TRPS1: variants seen among roughly 807,000 people sequenced by gnomAD.
TRPS1 encodes zinc finger transcription factor Trps1.
TRPS1 carries 6 observed loss-of-function variants against 101.2 expected under a neutral mutation model. The ratio of observed to expected loss-of-function variants is 0.06; its 90% CI spans 0.03 to 0.12. The LOEUF (loss-of-function observed/expected upper bound fraction) is 0.12. Among genes scored for constraint, TRPS1 ranks in the 10% least tolerant of loss-of-function variants. TRPS1 has a pLI of 1.00. For synonymous variants in TRPS1, 578 were observed against 589.8 expected (o/e 0.98, Z 0.29); for missense variants, 1,363 against 1,567.0 (o/e 0.87, Z 2.20).
At position 115,587,515 on chromosome 8, in the gene TRPS1, C is replaced by G. The variant is rs1278691976; in HGVS notation, c.2186G>C (p.Cys729Ser). The G allele has an allele frequency of 2.5e-6, 4 of 1,613,998 alleles. No homozygotes were observed. The highest frequency in any genetic ancestry group is 1.7e-6 in the Non-Finnish European group (2 of 1,180,012). The change falls in exon 5 of 7, where the codon TGC becomes TCC. Residue 729 changes from cysteine (C) to serine (S), a missense_variant. By Grantham distance (112) the Cys-to-Ser change is moderately radical. Around this residue, in one of 5 missense-constraint regions of TRPS1, gnomAD observed 1,020 missense variants for 1,073.0 expected, o/e 0.95. Transcript: ENST00000395715. ...SLLEHFNTVHCQEQDITTANG... is the reference protein window; with the variant it reads ...SLLEHFNTVHSQEQDITTANG... ...GGCTGTAGTGATGTCCTGTTCCTGGCAGTGAACAGTGTTGAAGTGCTCCAG... is the reference window on the plus strand; with the variant it reads ...GGCTGTAGTGATGTCCTGTTCCTGGGAGTGAACAGTGTTGAAGTGCTCCAG...
rs559539336 is a variant in TRPS1 at position 115,481,351 on chromosome 8, A to T, written c.2701-62899T>A. 1.4e-3 allele frequency among the ~76,000 whole-genome samples: 212 copies of T among 152,204 alleles called. 1 individual carries two copies. Among genetic ancestry groups the T allele is most frequent in the African/African-American group, 5.0e-3 (207 of 41,536 alleles). On this transcript the variant is annotated intron_variant, in intron 5 of 6. Coordinates refer to ENST00000395715, the MANE Select transcript of TRPS1 (RefSeq NM_014112.5). ...AAACTTTTGTAGTGCTAACAAACAG[A>T]GGTTATAACTTGGCTTATAGATCCC...
intron 5 of TRPS1, among the ~76,000 whole-genome samples, chr8:115,499,834 A>T (rs1306743990): frequency 6.6e-6 from 1 of 152,210 alleles, no homozygotes; most frequent in African/African-American, 2.4e-5. Flanking sequence ...GTACAACTAA[A>T]GGAATATGGG....
intron 5 of TRPS1, among the ~76,000 whole-genome samples, chr8:115,584,241 T>C (rs1423604475): frequency 1.3e-5 from 2 of 152,026 alleles, no homozygotes; most frequent in Admixed American, 1.3e-4. Flanking sequence ...TATTTTTAAA[T>C]GATTAAGTTT....
At chr8:115,498,399 CTCTCTCTCTCTCTCTCTATATATA>C (rs1320291488) in intron 5 of TRPS1, among the ~76,000 whole-genome samples, 19 of 83,250 alleles carry the variant, frequency 2.3e-4, no homozygotes, top group African/African-American at 8.4e-4. Context: ...CTCTCTCTCT[CTCTCTCTCTCTCTCTCTATATATA>C]TATATATATA....
intron 5 of TRPS1, among the ~76,000 whole-genome samples, chr8:115,507,342 A>G (rs1425896384): frequency 6.6e-6 from 1 of 152,118 alleles, no homozygotes; most frequent in African/African-American, 2.4e-5. Flanking sequence ...AGGGTCCCCA[A>G]ACAGCCTAAT....
chr8:115,660,740 T>C (rs1460464316), intron 1 of TRPS1, among the ~76,000 whole-genome samples: 1 of 152,026 alleles, frequency 6.6e-6, no homozygotes, highest in African/African-American at 2.4e-5. Flanking sequence ...AAATTTAATA[T>C]GTACATTAAC....
chr8:115,601,815 C>T (rs902633457), intron 4 of TRPS1, among the ~76,000 whole-genome samples: 2 of 152,146 alleles, frequency 1.3e-5, no homozygotes, highest in African/African-American at 2.4e-5. Flanking sequence ...AAGTCAAAAA[C>T]TCACAGGGAT....
intron 5 of TRPS1, among the ~76,000 whole-genome samples, chr8:115,477,906 G>T (rs1390332884): frequency 2.0e-5 from 3 of 151,194 alleles, no homozygotes; most frequent in Admixed American, 2.0e-4. Context: ...ATATTATAGT[G>T]TGTTCAGCAA....
At chr8:115,449,757 T>C (rs561419404) in intron 5 of TRPS1, among the ~76,000 whole-genome samples, 4 of 152,326 alleles carry the variant, frequency 2.6e-5, no homozygotes, top group South Asian at 2.1e-4. Flanking sequence ...CAAATGAGAT[T>C]GGTAAACACC....
At chr8:115,598,841 G>A (rs1817846002) in intron 4 of TRPS1, among the ~76,000 whole-genome samples, 1 of 152,138 alleles carries the variant, frequency 6.6e-6, no homozygotes, top group African/African-American at 2.4e-5. Flanking sequence ...CAACCTAAAT[G>A]TCTTTTCTGA....
rs544549554 is a variant in TRPS1, at chr8:115,455,676, C to T, written c.2701-37224G>A. On this transcript the variant is annotated intron_variant, in intron 5 of 6. Coordinates refer to ENST00000395715, the MANE Select transcript of TRPS1 (RefSeq NM_014112.5). ...TAATATACCTAGTAAGAGGCCACAA[C>T]TGGCTTCAAACCTGGGACTTTTTTC... Among the ~76,000 whole-genome samples, 20 of 152,186 alleles carry T rather than the reference C, an allele frequency of 1.3e-4. No individual in the cohort carries two copies. In the South Asian group the frequency reaches 4.2e-3, roughly 32 times the overall value.
chr8:115,576,820 A>G (rs1817330092), intron 5 of TRPS1, among the ~76,000 whole-genome samples: 1 of 152,196 alleles, frequency 6.6e-6, no homozygotes, highest in South Asian at 2.1e-4. Context: ...GAAAGCTCTG[A>G]TTTTAAAAAC....
intron 5 of TRPS1, among the ~76,000 whole-genome samples, chr8:115,475,766 T>C (rs1814589727): frequency 6.6e-6 from 1 of 152,138 alleles, no homozygotes. Context: ...GGCTTCATAC[T>C]ATCAATTACA....
chr8:115,611,285 G>A (rs565162099), intron 3 of TRPS1, among the ~76,000 whole-genome samples: 1 of 152,240 alleles, frequency 6.6e-6, no homozygotes, highest in Admixed American at 6.5e-5. Flanking sequence ...ATGGAGATAT[G>A]TCAGAATTGC....
intron 5 of TRPS1, among the ~76,000 whole-genome samples, chr8:115,526,722 C>G (rs1816007857): frequency 6.6e-6 from 1 of 152,126 alleles, no homozygotes; most frequent in Admixed American, 6.6e-5. Context: ...AAGGGATCCC[C>G]AGACTGTCCT....
chr8:115,656,219 A>G (rs1328711585), intron 1 of TRPS1, among the ~76,000 whole-genome samples: 2 of 152,170 alleles, frequency 1.3e-5, no homozygotes, highest in Non-Finnish European at 2.9e-5. Flanking sequence ...TACTTTTTAC[A>G]GTAGCAGCTT....
At chr8:115,620,524 T>C (rs1406563986) in intron 2 of TRPS1, among the ~76,000 whole-genome samples, 1 of 152,218 alleles carries the variant, frequency 6.6e-6, no homozygotes, top group Non-Finnish European at 1.5e-5. Context: ...CATTTATTTA[T>C]ATGGTACATA....
At chr8:115,416,987 C>A (rs1384275716) in intron 6 of TRPS1, among the ~76,000 whole-genome samples, 1 of 152,032 alleles carries the variant, frequency 6.6e-6, no homozygotes, top group Non-Finnish European at 1.5e-5. Flanking sequence ...TGAACATAAC[C>A]TTTATGTATT....
chr8:115,664,388 A>G (rs1240749193), intron 1 of TRPS1, among the ~76,000 whole-genome samples: 1 of 152,112 alleles, frequency 6.6e-6, no homozygotes, highest in African/African-American at 2.4e-5. Flanking sequence ...TCTTTATGCT[A>G]TATCTAAGGG....
Sources: gnomAD v4.1 joint callset for allele counts (sites outside exome capture counted in the v4.1 genomes callset) on GRCh38, gnomAD v4.1.1 for gene constraint, gnomAD v4.1.1 regional missense constraint, MANE v1.5 for transcripts, NCBI Gene and HGNC (gene_info 2026-07-23, HGNC 2026-07-21) for gene names.